CFAP20DC: variants seen among roughly 807,000 people sequenced by gnomAD.
The protein encoded by CFAP20DC is protein CFAP20DC.
A neutral mutation model predicts 101.7 loss-of-function variants in CFAP20DC; 84 were observed. That is an observed-to-expected ratio of 0.83 (90% CI 0.69 to 0.99). The LOEUF (loss-of-function observed/expected upper bound fraction) is 0.99. Ranked by LOEUF, CFAP20DC falls within the 50% of genes least tolerant of loss-of-function variation. The pLI is 0.00. For synonymous variants in CFAP20DC, 359 were observed against 351.2 expected (o/e 1.02, Z -0.25); for missense variants, 1,007 against 970.3 (o/e 1.04, Z -0.50).
intron 4 of CFAP20DC, among the ~76,000 whole-genome samples, chr3:58,972,528 T>C (rs906915509): frequency 2.6e-5 from 4 of 152,184 alleles, no homozygotes; most frequent in African/African-American, 9.7e-5. Flanking sequence ...ACTGGTGCCA[T>C]TTTTATATAT....
intron 11 of CFAP20DC, among the ~76,000 whole-genome samples, chr3:58,866,001 T>C (rs1176284724): frequency 2.0e-5 from 3 of 152,186 alleles, no homozygotes; most frequent in Non-Finnish European, 4.4e-5. Context: ...GCAAACAAGA[T>C]AAATGCAAGA....
At chr3:59,016,731 C>T (rs2093697570) in intron 4 of CFAP20DC, among the ~76,000 whole-genome samples, 1 of 152,046 alleles carries the variant, frequency 6.6e-6, no homozygotes, top group Non-Finnish European at 1.5e-5. Flanking sequence ...TCCAGAGTTT[C>T]TCTCAGTAGG....
At chr3:58,877,705 A>G (rs367828793) in intron 7 of CFAP20DC, among the ~76,000 whole-genome samples, 17 of 152,336 alleles carry the variant, frequency 1.1e-4, no homozygotes, top group African/African-American at 3.8e-4. Flanking sequence ...GGTTCTTCCC[A>G]TATTTTCCAA....
chr3:58,937,554 T>C (rs968019864), intron 5 of CFAP20DC, 94 bp downstream of exon 5: 4 of 787,706 alleles, frequency 5.1e-6, no homozygotes, highest in Non-Finnish European at 6.7e-6. Flanking sequence ...ACCACCATCG[T>C]ACTTAACAAA....
chr3:59,049,549 C>A, intron 1 of CFAP20DC, 62 bp downstream of exon 1: 2 of 1,456,638 alleles, frequency 1.4e-6, no homozygotes, highest in South Asian at 2.4e-5. Context: ...TCACCCCGAT[C>A]ACGGACTACC....
rs1390830375 is a variant in CFAP20DC at position 58,971,217 on chromosome 3, T to G, written c.279-33455A>C. 4.6e-5 allele frequency among the ~76,000 whole-genome samples: 7 copies of G among 152,192 alleles called. No homozygotes were observed. Among genetic ancestry groups the G allele is most frequent in the Admixed American group, 4.6e-4 (7 of 15,258 alleles). On this transcript the variant is annotated intron_variant, in intron 4 of 16. Transcript: ENST00000482387. This position sits in a 1 kb window ranked among gnomAD's most constrained non-coding sequence, Gnocchi z 4.1. ...TGAAGCTTACCATAAAGAAGATATTTGGCACTGAAAGTACGTTTTTCACAA... is the reference window on the plus strand; with the variant it reads ...TGAAGCTTACCATAAAGAAGATATTGGGCACTGAAAGTACGTTTTTCACAA...
intron 5 of CFAP20DC, among the ~76,000 whole-genome samples, chr3:58,920,072 CTTTTTTTT>C (rs71091396): frequency 3.6e-4 from 17 of 46,808 alleles, no homozygotes; most frequent in Non-Finnish European, 4.9e-4. Flanking sequence ...GGTGGATATT[CTTTTTTTT>C]TTTTTTTTTT....
rs770837784 is a variant in CFAP20DC at position 59,014,870 on chromosome 3, C to T, written c.278+24687G>A. On this transcript the variant is annotated intron_variant, in intron 4 of 16. Transcript: ENST00000482387. This position sits in a 1 kb window ranked among gnomAD's most constrained non-coding sequence, Gnocchi z 4.9. ...TGTGAGGCTCCGTGGTGAGCATCTC[C>T]TCCCAGCTCCACATTCAGTGATGTC... 2.3e-4 allele frequency among the ~76,000 whole-genome samples: 35 copies of T among 152,098 alleles called. No homozygotes were observed. Among genetic ancestry groups the T allele is most frequent in the Non-Finnish European group, 4.3e-4 (29 of 68,006 alleles).
chr3:58,935,626 T>A (rs1484725967), intron 5 of CFAP20DC, among the ~76,000 whole-genome samples: 2 of 152,140 alleles, frequency 1.3e-5, no homozygotes, highest in Non-Finnish European at 2.9e-5. Context: ...GCCGCATATC[T>A]ACAACTATCT....
At chr3:58,831,959 G>T in intron 13 of CFAP20DC, 70 bp from the exon 14 acceptor site, 2 of 1,342,642 alleles carry the variant, frequency 1.5e-6, no homozygotes, top group Non-Finnish European at 2.1e-6. Context: ...AAATGCCACA[G>T]CCTTAACCCC....
At chr3:58,907,494 C>A (rs1188361237) in intron 6 of CFAP20DC, among the ~76,000 whole-genome samples, 1 of 152,202 alleles carries the variant, frequency 6.6e-6, no homozygotes, top group African/African-American at 2.4e-5. Context: ...CTGCACACTG[C>A]ATTATCATTT....
intron 4 of CFAP20DC, among the ~76,000 whole-genome samples, chr3:58,977,787 C>T (rs539430664): frequency 6.6e-6 from 1 of 150,758 alleles, no homozygotes; most frequent in South Asian, 2.1e-4. Flanking sequence ...CTGAAGGAGA[C>T]AATATAAACT....
chr3:58,759,707 T>C (rs547272275), intron 15 of CFAP20DC, among the ~76,000 whole-genome samples: 2 of 152,344 alleles, frequency 1.3e-5, no homozygotes, highest in African/African-American at 4.8e-5. Flanking sequence ...GAATTAATTT[T>C]TGTACAAGGT....
intron 15 of CFAP20DC, among the ~76,000 whole-genome samples, chr3:58,775,695 G>A (rs892105828): frequency 4.6e-5 from 7 of 151,350 alleles, no homozygotes; most frequent in Non-Finnish European, 1.5e-5. Context: ...ATATATTATG[G>A]CAACTATAAT....
At position 58,868,587 on chromosome 3, in the gene CFAP20DC, C is replaced by T. The variant is rs1009800563; in HGVS notation, c.1016-651G>A. Among the ~76,000 whole-genome samples the T allele has an allele frequency of 3.3e-5, 5 of 152,180 alleles. No homozygotes were observed. The South Asian group carries it at 6.2e-4, about 19-fold the overall frequency. On this transcript the variant is annotated intron_variant, in intron 9 of 16. Transcript: ENST00000482387. This position sits in a 1 kb window ranked among gnomAD's most constrained non-coding sequence, Gnocchi z 4.6. ...CAGAGGAGAAAACTAAGGTTCACAG[C>T]GTTTAAGAAACTTGATCAAGGCCTC... is the stretch of plus-strand genomic sequence containing the variant.
At chr3:58,723,735 T>C (rs1406345379) in intron 3 of CFAP20DC, among the ~76,000 whole-genome samples, 7 of 152,102 alleles carry the variant, frequency 4.6e-5, no homozygotes, top group South Asian at 2.1e-4. Flanking sequence ...TCAGGTGGGG[T>C]GTAAGTAGTA....
chr3:59,039,631 TAGA>T lies in CFAP20DC; in HGVS notation c.206-5_206-3del. 6.6e-7 allele frequency: 1 copy of T among 1,516,588 alleles called. No homozygotes were observed. The highest frequency in any genetic ancestry group is 8.8e-7 in the Non-Finnish European group (1 of 1,132,104). The allele number at this position is 1,516,588 out of a possible 1,614,324, so 93.9% of individuals were successfully genotyped here. ...CAAGAAACCTCTGGATCAATCCAAC[TAGA>T]ATGAAGAGGAAATACACATTCAAAT... On this transcript the variant is annotated splice_polypyrimidine_tract_variant and splice_region_variant and intron_variant, in intron 3 of 16. Transcript: ENST00000482387.
rs1345398630 is a variant in CFAP20DC, at chr3:58,729,888, C to T, written c.198-12260G>A. On this transcript the variant is annotated intron_variant, in intron 3 of 3. Coordinates refer to the CFAP20DC transcript ENST00000486145. This position sits in a 1 kb window ranked among gnomAD's most constrained non-coding sequence, Gnocchi z 4.4. ...ACAAAATTAGCAGGGCATGATGGTGCGCACCTGTAATCCCAGCTACTTGGG... is the reference window on the plus strand; with the variant it reads ...ACAAAATTAGCAGGGCATGATGGTGTGCACCTGTAATCCCAGCTACTTGGG... 3.3e-5 allele frequency among the ~76,000 whole-genome samples: 5 copies of T among 151,840 alleles called. No homozygotes were observed. The highest frequency in any genetic ancestry group is 2.1e-4 in the South Asian group (1 of 4,802).
intron 14 of CFAP20DC, among the ~76,000 whole-genome samples, chr3:58,806,767 T>C (rs1189420070): frequency 2.6e-5 from 4 of 152,314 alleles, no homozygotes; most frequent in East Asian, 1.9e-4. Flanking sequence ...GGGCGAAGCA[T>C]TGCCTCACTC....
Sources: gnomAD v4.1 joint callset for allele counts (sites outside exome capture counted in the v4.1 genomes callset) on GRCh38, gnomAD v4.1.1 for gene constraint, Gnocchi (gnomAD v3.1) non-coding constraint, MANE v1.5 for transcripts, NCBI Gene and HGNC (gene_info 2026-07-23, HGNC 2026-07-21) for gene names.